The following GRXCR1 variants were observed in gnomAD, a reference collection of about 807,000 sequenced individuals.
GRXCR1 encodes glutaredoxin and cysteine rich domain containing 1, also known as glutaredoxin domain-containing cysteine-rich protein 1.
In GRXCR1, 27 loss-of-function variants were observed where a neutral mutation model predicts 27.3. The ratio of observed to expected loss-of-function variants is 0.99; its 90% CI spans 0.73 to 1.37. The LOEUF is 1.37. GRXCR1 is among the 40% of genes most tolerant of loss of function. GRXCR1 has a pLI of 0.00. For synonymous variants in GRXCR1, 122 were observed against 131.1 expected, an observed-to-expected ratio of 0.93 and a Z score of 0.47; for missense variants, 379 against 354.4, an observed-to-expected ratio of 1.07 and a Z score of -0.56.
chr4:42,902,281 T>C (rs1010666119), intron 1 of GRXCR1, among the ~76,000 whole-genome samples: 2 of 152,110 alleles, frequency 1.3e-5, no homozygotes, highest in African/African-American at 4.8e-5. Context: ...AACTAGTGGT[T>C]TTATGGAAAG....
At chr4:42,901,826 T>G (rs1245494341) in intron 1 of GRXCR1, among the ~76,000 whole-genome samples, 1 of 152,080 alleles carries the variant, frequency 6.6e-6, no homozygotes, top group Non-Finnish European at 1.5e-5. Context: ...GGGGATAGAG[T>G]GTATTTCCAC....
chr4:42,987,954 A>G (rs1205276189), intron 2 of GRXCR1, among the ~76,000 whole-genome samples: 1 of 152,168 alleles, frequency 6.6e-6, no homozygotes, highest in African/African-American at 2.4e-5. Flanking sequence ...ACTAGATGGC[A>G]TTAGAGTCTC....
intron 1 of GRXCR1, among the ~76,000 whole-genome samples, chr4:42,937,743 T>A (rs1013922476): frequency 6.6e-6 from 1 of 151,978 alleles, no homozygotes; most frequent in Admixed American, 6.6e-5. Context: ...TCAATTCTCA[T>A]ATACATGTAT....
chr4:42,917,824 GA>G (rs967386907), intron 1 of GRXCR1, among the ~76,000 whole-genome samples: 6 of 152,030 alleles, frequency 3.9e-5, no homozygotes, highest in African/African-American at 1.4e-4. Context: ...TAAAGTGAGA[GA>G]GGGAAGGAAG....
At chr4:42,928,644 A>C (rs1486435132) in intron 1 of GRXCR1, among the ~76,000 whole-genome samples, 2 of 152,008 alleles carry the variant, frequency 1.3e-5, no homozygotes, top group Admixed American at 6.6e-5. Flanking sequence ...AAGCACATGG[A>C]AGCACACCAG....
At chr4:43,026,672 A>G (rs538714151) in intron 3 of GRXCR1, among the ~76,000 whole-genome samples, 65 of 152,308 alleles carry the variant, frequency 4.3e-4, no homozygotes, top group African/African-American at 1.5e-3. Flanking sequence ...TAGAGGGAAG[A>G]CCATAGATTT....
At chr4:42,922,858 C>A (rs1747051005) in intron 1 of GRXCR1, among the ~76,000 whole-genome samples, 1 of 152,118 alleles carries the variant, frequency 6.6e-6, no homozygotes, top group Non-Finnish European at 1.5e-5. Context: ...CAAGATGCCT[C>A]TGTGGTACTC....
At chr4:42,993,658 A>C (rs1170706331) in intron 2 of GRXCR1, among the ~76,000 whole-genome samples, 2 of 152,150 alleles carry the variant, frequency 1.3e-5, no homozygotes, top group African/African-American at 4.8e-5. Context: ...AATTTATTGA[A>C]TACTGTACTG....
At chr4:42,963,226 T>A in intron 2 of GRXCR1, 92 bp downstream of exon 2, 1 of 1,444,902 alleles carries the variant, frequency 6.9e-7, no homozygotes, top group Non-Finnish European at 9.7e-7. Flanking sequence ...GCGTAACTAC[T>A]GGAACACTTG....
chr4:42,970,535 T>G (rs1433869768), intron 2 of GRXCR1, among the ~76,000 whole-genome samples: 1 of 152,210 alleles, frequency 6.6e-6, no homozygotes, highest in East Asian at 1.9e-4. Flanking sequence ...GGCTTGGGGC[T>G]TGCACCCTCT....
chr4:42,986,543 G>A (rs1044404973), intron 2 of GRXCR1, among the ~76,000 whole-genome samples: 3 of 152,056 alleles, frequency 2.0e-5, no homozygotes, highest in Non-Finnish European at 2.9e-5. Context: ...CTTTCTTTAC[G>A]GAATATCTGA....
rs556659750 is a variant in GRXCR1, at chr4:42,953,218, A to C, written c.385-9674A>C. On this transcript the variant is annotated intron_variant, in intron 1 of 3. Coordinates refer to ENST00000399770, the MANE Select transcript of GRXCR1 (RefSeq NM_001080476.3). ...CCACATGGTCTTCCAGAACTTTGCC[A>C]TTCCTCTATCAAGAAGTGGGAGTCT... 5.7e-4 allele frequency among the ~76,000 whole-genome samples: 87 copies of C among 152,262 alleles called. 2 individuals carry two copies. In the South Asian group the frequency reaches 9.7e-3, roughly 17 times the overall value.
chr4:42,975,037 T>C (rs1265171824), intron 2 of GRXCR1, among the ~76,000 whole-genome samples: 1 of 152,112 alleles, frequency 6.6e-6, no homozygotes, highest in Non-Finnish European at 1.5e-5. Flanking sequence ...CTGCCCTGGG[T>C]CCATCCTGTA....
At position 42,982,162 on chromosome 4, in the gene GRXCR1, G is replaced by A. The variant is rs562878695; in HGVS notation, c.627+19028G>A. Among the ~76,000 whole-genome samples, 77 of 151,094 alleles carry A rather than the reference G, an allele frequency of 5.1e-4. 1 individual carries two copies. The highest frequency in any genetic ancestry group is 1.6e-3 in the African/African-American group (65 of 41,082). ...GCTGGTGCGCTGCACCCACTAACTC[G>A]TCATCTAGCATTAGCTACATCTCCT... is the stretch of plus-strand genomic sequence containing the variant. On this transcript the variant is annotated intron_variant, in intron 2 of 3. Transcript: ENST00000399770.
At chr4:42,899,143 C>A (rs1746411832) in intron 1 of GRXCR1, among the ~76,000 whole-genome samples, 1 of 152,014 alleles carries the variant, frequency 6.6e-6, no homozygotes, top group Non-Finnish European at 1.5e-5. Context: ...TGAATTAACC[C>A]TCTTAGTGGT....
intron 1 of GRXCR1, among the ~76,000 whole-genome samples, chr4:42,915,241 C>T (rs1746859285): frequency 6.6e-6 from 1 of 152,088 alleles, no homozygotes; most frequent in African/African-American, 2.4e-5. Context: ...CAATGTACAG[C>T]TTGCCATCAT....
At chr4:42,959,515 CA>C (rs1370766917) in intron 1 of GRXCR1, among the ~76,000 whole-genome samples, 3 of 151,592 alleles carry the variant, frequency 2.0e-5, no homozygotes, top group Non-Finnish European at 4.4e-5. Context: ...ATTACATATT[CA>C]AAATTTGCTA....
chr4:42,972,367 C>T (rs1748409736), intron 2 of GRXCR1, among the ~76,000 whole-genome samples: 1 of 152,044 alleles, frequency 6.6e-6, no homozygotes, highest in Non-Finnish European at 1.5e-5. Context: ...TGGTAATAGG[C>T]AAGATAAGTG....
At chr4:43,011,263 C>T (rs1270446005) in intron 2 of GRXCR1, among the ~76,000 whole-genome samples, 1 of 152,182 alleles carries the variant, frequency 6.6e-6, no homozygotes, top group Non-Finnish European at 1.5e-5. Context: ...CCCTGGCCTA[C>T]CTGGAGTCTC....
Sources: gnomAD v4.1 joint callset for allele counts (sites outside exome capture counted in the v4.1 genomes callset) on GRCh38, gnomAD v4.1.1 for gene constraint, MANE v1.5 for transcripts, NCBI Gene and HGNC (gene_info 2026-07-23, HGNC 2026-07-21) for gene names.